NR6A1: variants seen among roughly 807,000 people sequenced by gnomAD.
NR6A1 encodes the protein nuclear receptor subfamily 6 group A member 1.
NR6A1 carries 7 observed loss-of-function variants against 59.1 expected under a neutral mutation model. The observed-to-expected ratio is 0.12, with a 90% CI of 0.07 to 0.22. The LOEUF (loss-of-function observed/expected upper bound fraction) is 0.22, where lower values mean the gene tolerates loss of function less well. Ranked by LOEUF, NR6A1 falls within the 10% of genes least tolerant of loss-of-function variation. The pLI is 1.00. For synonymous variants in NR6A1, 243 were observed against 236.1 expected (o/e 1.03, Z -0.27); for missense variants, 468 against 611.6 (o/e 0.77, Z 2.48).
intron 2 of NR6A1, among the ~76,000 whole-genome samples, chr9:124,579,636 C>T (rs1834703897): frequency 6.6e-6 from 1 of 151,910 alleles, no homozygotes; most frequent in Non-Finnish European, 1.5e-5. Flanking sequence ...AAATGTGGAG[C>T]AACTAGAACT....
At chr9:124,574,777 G>A (rs1385918457) in intron 2 of NR6A1, among the ~76,000 whole-genome samples, 1 of 152,184 alleles carries the variant, frequency 6.6e-6, no homozygotes, top group Non-Finnish European at 1.5e-5. Context: ...GTGGCTTGAT[G>A]AGTACAGGAA....
chr9:124,725,667 G>A (rs558942306), intron 2 of NR6A1, among the ~76,000 whole-genome samples: 8 of 152,276 alleles, frequency 5.3e-5, no homozygotes, highest in Non-Finnish European at 7.4e-5. Flanking sequence ...AAAGTCATGC[G>A]GGGCTCGGCC....
chr9:124,534,212 A>G (rs1200154847), intron 7 of NR6A1, among the ~76,000 whole-genome samples: 1 of 151,858 alleles, frequency 6.6e-6, no homozygotes, highest in African/African-American at 2.4e-5. Context: ...ACCTGGGATT[A>G]CAGGCATGCG....
At position 124,590,860 on chromosome 9, in the gene NR6A1, C is replaced by A. The variant is rs76516903; in HGVS notation, c.143-36290G>T. 4.5e-3 allele frequency among the ~76,000 whole-genome samples: 692 copies of A among 152,346 alleles called. 3 individuals carry two copies. The highest frequency in any genetic ancestry group is 0.016 in the African/African-American group (668 of 41,580). On this transcript the variant is annotated intron_variant, in intron 2 of 9. Transcript: ENST00000487099. ...AATTAAGACTAACTTTATTATCCTT[C>A]TTTTCCTGGTTATGATTTAACATCT...
chr9:124,594,114 C>T (rs189069166), intron 2 of NR6A1, among the ~76,000 whole-genome samples: 199 of 151,084 alleles, frequency 1.3e-3, no homozygotes, highest in Non-Finnish European at 2.3e-3. Flanking sequence ...TCACTGACCT[C>T]TTTTGTAAGC....
intron 1 of NR6A1, among the ~76,000 whole-genome samples, chr9:124,759,682 C>T (rs925169717): frequency 6.6e-6 from 1 of 152,182 alleles, no homozygotes; most frequent in Non-Finnish European, 1.5e-5. Flanking sequence ...TTCCTTAGCA[C>T]CCCTTGGGTT....
rs557283805 is a variant in NR6A1, at chr9:124,622,782, G to T, written c.143-68212C>A. On this transcript the variant is annotated intron_variant, in intron 2 of 9. Transcript: ENST00000487099. ...TAAAAAAAAAAGAGTAGGAAATTGA[G>T]CTCAATTCTGGCTTCAATGGGGGTG... 2.6e-4 allele frequency among the ~76,000 whole-genome samples: 40 copies of T among 152,200 alleles called. 1 individual carries two copies. In the South Asian group the frequency reaches 8.1e-3, roughly 31 times the overall value.
At chr9:124,649,707 C>A (rs1837042361) in intron 2 of NR6A1, among the ~76,000 whole-genome samples, 2 of 152,092 alleles carry the variant, frequency 1.3e-5, no homozygotes, top group South Asian at 4.1e-4. Flanking sequence ...AATTATCCCA[C>A]TGACAAGAGA....
intron 2 of NR6A1, among the ~76,000 whole-genome samples, chr9:124,686,649 A>C (rs1328339862): frequency 6.6e-6 from 1 of 152,056 alleles, no homozygotes; most frequent in East Asian, 1.9e-4. Context: ...AATACCTCAA[A>C]CACGTGAAGT....
chr9:124,691,404 T>C (rs1838539991), intron 2 of NR6A1, among the ~76,000 whole-genome samples: 1 of 152,200 alleles, frequency 6.6e-6, no homozygotes, highest in African/African-American at 2.4e-5. Flanking sequence ...CAAATAGTAA[T>C]AACTATCCCC....
intron 1 of NR6A1, among the ~76,000 whole-genome samples, chr9:124,755,684 G>A (rs1438170660): frequency 6.6e-6 from 1 of 152,160 alleles, no homozygotes; most frequent in Non-Finnish European, 1.5e-5. Flanking sequence ...CTTTTGGTAA[G>A]CAGAAAAGTT....
chr9:124,554,621 A>G (rs988419371), intron 2 of NR6A1, 51 bp from the exon 3 acceptor site: 1 of 1,609,986 alleles, frequency 6.2e-7, no homozygotes, highest in African/African-American at 1.3e-5. Flanking sequence ...TTAAGCCTAC[A>G]GTTCCTAAAG....
At chr9:124,736,963 G>A (rs529671243) in intron 1 of NR6A1, among the ~76,000 whole-genome samples, 9 of 152,318 alleles carry the variant, frequency 5.9e-5, no homozygotes, top group African/African-American at 2.2e-4. Flanking sequence ...CCAATTCAGT[G>A]CTGTGTCTAT....
At chr9:124,603,617 TA>T (rs1835505578) in intron 2 of NR6A1, among the ~76,000 whole-genome samples, 1 of 152,198 alleles carries the variant, frequency 6.6e-6, no homozygotes, top group African/African-American at 2.4e-5. Flanking sequence ...GATTAACATA[TA>T]TAACATATGT....
At chr9:124,555,597 C>A (rs145812951) in intron 2 of NR6A1, among the ~76,000 whole-genome samples, 3 of 152,156 alleles carry the variant, frequency 2.0e-5, no homozygotes, top group Admixed American at 6.5e-5. Context: ...GCCTGAGCGA[C>A]GGCAAGACCA....
chr9:124,673,309 A>G (rs1837850997), intron 2 of NR6A1, among the ~76,000 whole-genome samples: 1 of 152,152 alleles, frequency 6.6e-6, no homozygotes, highest in South Asian at 2.1e-4. Flanking sequence ...GCTGAGTGAC[A>G]AGAAAAAGTT....
chr9:124,695,926 A>G (rs1283903686), intron 2 of NR6A1, among the ~76,000 whole-genome samples: 1 of 152,218 alleles, frequency 6.6e-6, no homozygotes, highest in Non-Finnish European at 1.5e-5. Flanking sequence ...TATTTCATTA[A>G]ACCAAATCCA....
In NR6A1 at chr9:124,519,638, CG is replaced by C. The variant is rs1832755760; in HGVS notation, c.*3066del. On this transcript the variant is annotated 3_prime_UTR_variant, in exon 10 of 10. Transcript: ENST00000487099. ...TCACTCGGCTGGGTGCAGTGGCTCA[CG>C]CCTGTAATCCCAGCACTTTGGGAGG... 1 of 152,120 alleles carries C rather than the reference CG, an allele frequency of 6.6e-6. No homozygotes were observed. The highest frequency in any genetic ancestry group is 2.4e-5 in the African/African-American group (1 of 41,410). The allele number at this position is 152,120 out of a possible 1,614,324, so 9.4% of individuals were successfully genotyped here.
intron 2 of NR6A1, among the ~76,000 whole-genome samples, chr9:124,653,099 C>A (rs1174059746): frequency 6.6e-6 from 1 of 152,126 alleles, no homozygotes; most frequent in African/African-American, 2.4e-5. Context: ...ATAGTACGAG[C>A]AAGAACTTTG....
Sources: allele counts gnomAD v4.1 joint callset (sites outside exome capture counted in the v4.1 genomes callset), GRCh38; gene constraint gnomAD v4.1.1; transcripts MANE v1.5; gene names NCBI Gene and HGNC (gene_info 2026-07-23, HGNC 2026-07-21).